The following AR variants were observed in gnomAD, a reference collection of about 807,000 sequenced individuals.
AR encodes dihydrotestosterone receptor.
Under a neutral mutation model 53.9 loss-of-function variants are expected in AR, and 8 were observed. The ratio of observed to expected loss-of-function variants is 0.15; its 90% CI spans 0.09 to 0.27. The LOEUF (loss-of-function observed/expected upper bound fraction) is 0.27. Ranked by LOEUF, AR falls within the 10% of genes least tolerant of loss-of-function variation. The pLI is 1.00. For missense variants in AR, 639 were observed against 742.5 expected, an observed-to-expected ratio of 0.86 and a Z score of 1.62; for synonymous variants, 359 against 316.4, an observed-to-expected ratio of 1.13 and a Z score of -1.43.
intron 2 of AR, among the ~76,000 whole-genome samples, chrX:67,659,073 A>G (rs1360146469): frequency 4.5e-5 from 5 of 110,621 alleles, no homozygotes; most frequent in Non-Finnish European, 9.4e-5. Flanking sequence ...ACTATAAATT[A>G]CATGTGGAAA....
At chrX:67,579,534 T>C (rs1922197677) in intron 1 of AR, among the ~76,000 whole-genome samples, 1 of 111,841 alleles carries the variant, frequency 8.9e-6, no homozygotes, top group Non-Finnish European at 1.9e-5. Context: ...TAGATGATTG[T>C]CTTGAGTTAT....
At chrX:67,707,631 T>G (rs183613896) in intron 3 of AR, among the ~76,000 whole-genome samples, 34 of 111,969 alleles carry the variant, frequency 3.0e-4, no homozygotes, top group Admixed American at 1.9e-3. Flanking sequence ...AGCATTTAGG[T>G]TAATATTTAC....
chrX:67,673,241 G>A (rs2075877122), intron 2 of AR, among the ~76,000 whole-genome samples: 1 of 109,826 alleles, frequency 9.1e-6, no homozygotes, highest in Non-Finnish European at 1.9e-5. Context: ...CCTTGAGGTG[G>A]TCTTTTTTGG....
At chrX:67,664,422 A>C (rs886588412) in intron 2 of AR, among the ~76,000 whole-genome samples, 2 of 112,054 alleles carry the variant, frequency 1.8e-5, no homozygotes, top group Non-Finnish European at 3.8e-5. Flanking sequence ...CAGAGGCTGC[A>C]GAACAGTGGA....
chrX:67,622,184 T>C (rs1245266839), intron 1 of AR, among the ~76,000 whole-genome samples: 2 of 112,090 alleles, frequency 1.8e-5, no homozygotes, highest in Non-Finnish European at 3.8e-5. Flanking sequence ...TGAAAACATT[T>C]TCCTGTTTCT....
chrX:67,588,416 C>T (rs1294603873), intron 1 of AR, among the ~76,000 whole-genome samples: 1 of 112,038 alleles, frequency 8.9e-6, no homozygotes, highest in Non-Finnish European at 1.9e-5. Flanking sequence ...ATATGACAAG[C>T]GCTGAGGCCA....
chrX:67,615,669 A>G (rs1198862816), intron 1 of AR, among the ~76,000 whole-genome samples: 1 of 111,513 alleles, frequency 9.0e-6, no homozygotes, highest in Non-Finnish European at 1.9e-5. Flanking sequence ...ATTCTTTTCC[A>G]CTTAACTTAT....
chrX:67,609,513 T>C (rs1425171691), intron 1 of AR, among the ~76,000 whole-genome samples: 2 of 111,801 alleles, frequency 1.8e-5, no homozygotes, highest in Non-Finnish European at 3.8e-5. Flanking sequence ...TTTCCTTTTT[T>C]CTAGATTTTA....
At chrX:67,649,355 A>G (rs1926220307) in intron 2 of AR, among the ~76,000 whole-genome samples, 2 of 112,250 alleles carry the variant, frequency 1.8e-5, no homozygotes, top group South Asian at 7.4e-4. Flanking sequence ...GCGTCTTTAT[A>G]GAAGAATGAC....
chrX:67,577,004 C>CTTTTTTTT (rs35442632), intron 1 of AR, among the ~76,000 whole-genome samples: 1 of 90,818 alleles, frequency 1.1e-5, no homozygotes. Flanking sequence ...CTCTCTCTCT[C>CTTTTTTTT]TTTTTTTTTT....
At chrX:67,703,533 G>A (rs2076051553) in intron 3 of AR, among the ~76,000 whole-genome samples, 1 of 111,609 alleles carries the variant, frequency 9.0e-6, no homozygotes, top group Non-Finnish European at 1.9e-5. Flanking sequence ...TGATGGCAGA[G>A]GCAGAAAGAT....
chrX:67,551,842 G>A (rs1180373072), intron 1 of AR, among the ~76,000 whole-genome samples: 8 of 111,351 alleles, frequency 7.2e-5, no homozygotes, highest in Non-Finnish European at 1.3e-4. Flanking sequence ...ATTATTGCTT[G>A]CACACTCATG....
chrX:67,559,368 A>G (rs1043520995), intron 1 of AR, among the ~76,000 whole-genome samples: 1 of 111,951 alleles, frequency 8.9e-6, no homozygotes, highest in African/African-American at 3.3e-5. Context: ...AGCAGAGTCC[A>G]TTTCCTTCCA....
chrX:67,611,387 A>G (rs56766912), intron 1 of AR, among the ~76,000 whole-genome samples: 7,867 of 111,064 alleles, frequency 0.071, 691 homozygotes, highest in African/African-American at 0.24. Context: ...GTTCCTGGCC[A>G]TTGCCTATTT....
intron 1 of AR, among the ~76,000 whole-genome samples, chrX:67,630,155 T>A (rs1239403150): frequency 9.0e-6 from 1 of 111,088 alleles, no homozygotes; most frequent in Non-Finnish European, 1.9e-5. Flanking sequence ...CTATTAGGTC[T>A]GCTTGGTGCA....
At chrX:67,640,837 A>G (rs1327509869) in intron 1 of AR, among the ~76,000 whole-genome samples, 1 of 111,502 alleles carries the variant, frequency 9.0e-6, no homozygotes, top group Non-Finnish European at 1.9e-5. Context: ...CTTTACCCAT[A>G]CATACATTTG....
chrX:67,625,906 T>A (rs897966674), intron 1 of AR, among the ~76,000 whole-genome samples: 13 of 110,752 alleles, frequency 1.2e-4, no homozygotes, highest in African/African-American at 2.9e-4. Flanking sequence ...AAAATTTTTT[T>A]AAAAAAACCC....
At chrX:67,653,716 G>A (rs969408279) in intron 2 of AR, among the ~76,000 whole-genome samples, 5 of 110,740 alleles carry the variant, frequency 4.5e-5, no homozygotes, top group Non-Finnish European at 9.4e-5. Flanking sequence ...TGGGATTTTC[G>A]GAAGAAGGTT....
chrX:67,639,113 G>C (rs1344701793), intron 1 of AR, among the ~76,000 whole-genome samples: 1 of 111,765 alleles, frequency 8.9e-6, no homozygotes, highest in Non-Finnish European at 1.9e-5. Context: ...GTTTGTCAAA[G>C]ATTAGATGGT....
Sources: allele counts gnomAD v4.1 joint callset (sites outside exome capture counted in the v4.1 genomes callset), GRCh38; gene constraint gnomAD v4.1.1; transcripts MANE v1.5; gene names NCBI Gene and HGNC (gene_info 2026-07-23, HGNC 2026-07-21).